TMEM121B: variants seen among roughly 807,000 people sequenced by gnomAD.
The protein encoded by TMEM121B is transmembrane protein 121B, also known as cat eye syndrome chromosome region, candidate 6.
A neutral mutation model predicts 25.1 loss-of-function variants in TMEM121B; 14 were observed. The ratio of observed to expected loss-of-function variants is 0.56; its 90% CI spans 0.37 to 0.87. The LOEUF (loss-of-function observed/expected upper bound fraction) is 0.87. Among genes scored for constraint, TMEM121B ranks in the 40% least tolerant of loss-of-function variants. TMEM121B has a pLI of 0.00. For synonymous variants in TMEM121B, 458 were observed against 420.9 expected (o/e 1.09, Z -1.08); for missense variants, 850 against 854.6 (o/e 0.99, Z 0.07).
chr22:17,119,649 C>A lies in TMEM121B; in HGVS notation c.1479G>T (p.Gln493His), dbSNP rs1388811393. 6.5e-7 allele frequency: 1 copy of A among 1,542,252 alleles called. No homozygotes were observed. The highest frequency in any genetic ancestry group is 1.9e-5 in the Admixed American group (1 of 51,614). ...TGAGCATGAAGATGGAGAGGGGCTG[C>A]TGGTAGCTGACCACCAGGAGGCAGC... ...ALRCLLVVSYQQPLSIFMLKN... is the reference protein window; with the variant it reads ...ALRCLLVVSYHQPLSIFMLKN... Residue 493 changes from glutamine to histidine, a missense_variant, in exon 1 of 1, where the codon CAG (glutamine) becomes CAT (histidine). By Grantham distance (24) the Gln-to-His change is conservative. Transcript: ENST00000331437.
rs1193415315 is a variant in TMEM121B at position 17,117,585 on chromosome 22, G to C, written c.*1806C>G. 1 of 152,650 alleles carries C rather than the reference G, an allele frequency of 6.6e-6. No homozygotes were observed. Among genetic ancestry groups the C allele is most frequent in the Non-Finnish European group, 1.5e-5 (1 of 68,452 alleles). 9.5% of individuals were successfully genotyped at this position (152,650 alleles called of 1,614,324 possible). On this transcript the variant is annotated 3_prime_UTR_variant, in exon 1 of 1. Coordinates refer to ENST00000331437, the MANE Select transcript of TMEM121B (RefSeq NM_031890.4). ...GCACTCTGCAGCTGTGCCAGGCCCT[G>C]CCCCACACCCAGCCCAGGCACCCAA...
chr22:17,121,177 C>A lies in TMEM121B; in HGVS notation c.-50G>T. ...GCCCAGCTGTTCCCTCCCCGCCAAC[C>A]CCGGGCGGGCGAGGCGGGCTAGGCG... is the stretch of plus-strand genomic sequence containing the variant. On this transcript the variant is annotated 5_prime_UTR_variant, in exon 1 of 1. Transcript: ENST00000331437. The A allele has an allele frequency of 1.6e-6, 2 of 1,259,880 alleles. No individual in the cohort carries two copies. Among genetic ancestry groups the A allele is most frequent in the Non-Finnish European group, 2.0e-6 (2 of 1,002,448 alleles). The allele number at this position is 1,259,880 out of a possible 1,614,324, so 78.0% of individuals were successfully genotyped here. A position where few individuals can be genotyped will look rare whatever the true frequency, so the allele number is the denominator to read the frequency against.
rs550329982 is a variant in TMEM121B at position 17,121,233 on chromosome 22, C to T, written c.-106G>A. 43 of 1,101,812 alleles carry T rather than the reference C, an allele frequency of 3.9e-5. 1 individual carries two copies. In the African/African-American group the frequency reaches 5.9e-4, roughly 15 times the overall value. 68.3% of individuals were successfully genotyped at this position (1,101,812 alleles called of 1,614,324 possible). ...GGGGAGCCGGGGCCCGCCGCCTCCCCAGCAGTGGGGACTCGCACCTGGGCC... is the reference window on the plus strand; with the variant it reads ...GGGGAGCCGGGGCCCGCCGCCTCCCTAGCAGTGGGGACTCGCACCTGGGCC... On this transcript the variant is annotated 5_prime_UTR_variant, in exon 1 of 1. Transcript: ENST00000331437.
Position 17,120,536 on chromosome 22 carries a change from A to G in TMEM121B, c.592T>C (p.Trp198Arg), listed in dbSNP as rs2061493432. ...RGCAPSPRCR[W>R]GYQALSVVLL... Reference sequence around the variant, plus strand: ...ACCACGGACAGCGCCTGGTAGCCCCAGCGGCACCTGGGACTGGGGGCGCAG... The same window carrying G: ...ACCACGGACAGCGCCTGGTAGCCCCGGCGGCACCTGGGACTGGGGGCGCAG... The change falls in exon 1 of 1, where the codon TGG becomes CGG. Residue 198 changes from tryptophan (W) to arginine (R), a missense_variant. Coordinates refer to ENST00000331437, the MANE Select transcript of TMEM121B (RefSeq NM_031890.4). 1.3e-6 allele frequency: 2 copies of G among 1,545,246 alleles called. No individual in the cohort carries two copies.
chr22:17,121,172 C>G lies in TMEM121B; in HGVS notation c.-45G>C. ...GGGCCGCCCAGCTGTTCCCTCCCCG[C>G]CAACCCCGGGCGGGCGAGGCGGGCT... is the stretch of plus-strand genomic sequence containing the variant. On this transcript the variant is annotated 5_prime_UTR_variant, in exon 1 of 1. Transcript: ENST00000331437. 1 of 1,262,894 alleles carries G rather than the reference C, an allele frequency of 7.9e-7. No homozygotes were observed. Among genetic ancestry groups the G allele is most frequent in the Middle Eastern group, 3.1e-4 (1 of 3,238 alleles). 78.2% of individuals were successfully genotyped at this position (1,262,894 alleles called of 1,614,324 possible).
Position 17,120,329 on chromosome 22 carries a change from G to C in TMEM121B, c.799C>G (p.His267Asp). ...TGCAGGGGCGGCGCGGCGTGGTGGT[G>C]GTGCAGGTGGTGGTTGTGCGCGCCG... ...ASGAHNHHLH[H>D]HHAAPPLHLP... is the part of the protein sequence containing the mutation. The change falls in exon 1 of 1, where the codon CAC (histidine) becomes GAC (aspartate). Residue 267 changes from histidine (H) to aspartate (D), a missense_variant. Coordinates refer to ENST00000331437, the MANE Select transcript of TMEM121B (RefSeq NM_031890.4). 6.7e-7 allele frequency: 1 copy of C among 1,488,318 alleles called. No homozygotes were observed. 92.2% of individuals were successfully genotyped at this position (1,488,318 alleles called of 1,614,324 possible).
rs763008364 is a variant in TMEM121B, at chr22:17,119,360, A to G, written c.*31T>C. 2 of 1,547,260 alleles carry G rather than the reference A, an allele frequency of 1.3e-6. No homozygotes were observed. Among genetic ancestry groups the G allele is most frequent in the African/African-American group, 1.4e-5 (1 of 72,014 alleles). ...AAGACAAGGGGGTTGGGGACTCTCA[A>G]CCCAAAAACAAGGACCCGTGCCCTT... On this transcript the variant is annotated 3_prime_UTR_variant, in exon 1 of 1. Coordinates refer to ENST00000331437, the MANE Select transcript of TMEM121B (RefSeq NM_031890.4).
In TMEM121B at chr22:17,121,251, C is replaced by T; in HGVS notation, c.-124G>A. 2.1e-6 allele frequency: 2 copies of T among 967,970 alleles called. No individual in the cohort carries two copies. The highest frequency in any genetic ancestry group is 2.7e-6 in the Non-Finnish European group (2 of 746,960). The allele number at this position is 967,970 out of a possible 1,614,324, so 60.0% of individuals were successfully genotyped here. On this transcript the variant is annotated 5_prime_UTR_variant, in exon 1 of 1. The change creates a new upstream start codon in the 5' untranslated region. Transcript: ENST00000331437. Reference sequence around the variant, plus strand: ...GCCTCCCCAGCAGTGGGGACTCGCACCTGGGCCGGGCGGCGGCGAGATCCG... The same window carrying T: ...GCCTCCCCAGCAGTGGGGACTCGCATCTGGGCCGGGCGGCGGCGAGATCCG...
In TMEM121B at chr22:17,120,147, G is replaced by C; in HGVS notation, c.981C>G (p.Pro327=). ...ACGTGCCCAGGATCAGCACCACCTTGGGAGTGAAGGCGATGGAGTAGATAA... is the reference window on the plus strand; with the variant it reads ...ACGTGCCCAGGATCAGCACCACCTTCGGAGTGAAGGCGATGGAGTAGATAA... ...AWLIYSIAFT[P]KVVLILGTSI... Residue 327 remains proline, a synonymous_variant, in exon 1 of 1, where the codon CCC becomes CCG. Coordinates refer to ENST00000331437, the MANE Select transcript of TMEM121B (RefSeq NM_031890.4). 6.2e-7 allele frequency: 1 copy of C among 1,610,050 alleles called. No homozygotes were observed. The highest frequency in any genetic ancestry group is 8.5e-7 in the Non-Finnish European group (1 of 1,179,142).
Position 17,120,655 on chromosome 22 carries a change from C to T in TMEM121B, c.473G>A (p.Gly158Asp), listed in dbSNP as rs1174054664. Residue 158 changes from glycine (G) to aspartate (D), a missense_variant, in exon 1 of 1, where the codon GGC becomes GAC. Transcript: ENST00000331437. ...GGCGCCGCTGCCGGTCCCGGTGCCG[C>T]CCGCGCCCCCCGCCGAGCGGCTCCC... Reference protein sequence around the residue: ...GPGSRSAGGAGGTGTGSGASC... With the variant: ...GPGSRSAGGADGTGTGSGASC... 2.5e-6 allele frequency: 3 copies of T among 1,181,602 alleles called. No homozygotes were observed. Among genetic ancestry groups the T allele is most frequent in the Non-Finnish European group, 3.1e-6 (3 of 957,280 alleles). 73.2% of individuals were successfully genotyped at this position (1,181,602 alleles called of 1,614,324 possible).
Position 17,119,877 on chromosome 22 carries a change from G to A in TMEM121B, c.1251C>T (p.Arg417=). 6.4e-7 allele frequency: 1 copy of A among 1,570,292 alleles called. No individual in the cohort carries two copies. Among genetic ancestry groups the A allele is most frequent in the Non-Finnish European group, 8.6e-7 (1 of 1,165,386 alleles). The part of the protein sequence containing the change: ...FTLVELMLEG[R]VPLPAHLRYL... Reference sequence around the variant, plus strand: ...AGCGCAGGTGCGCGGGCAGCGGCACGCGGCCCTCCAGCATCAGCTCCACCA... The same window carrying A: ...AGCGCAGGTGCGCGGGCAGCGGCACACGGCCCTCCAGCATCAGCTCCACCA... Residue 417 remains arginine, a synonymous_variant, in exon 1 of 1, where the codon CGC becomes CGT. Transcript: ENST00000331437.
At position 17,117,622 on chromosome 22, in the gene TMEM121B, G is replaced by A. The variant is rs45618234; in HGVS notation, c.*1769C>T. On this transcript the variant is annotated 3_prime_UTR_variant, in exon 1 of 1. Coordinates refer to ENST00000331437, the MANE Select transcript of TMEM121B (RefSeq NM_031890.4). ...GCCCAGGCACCCAAGCCCTCCCTCC[G>A]GCCTTCTCTGCTGGGGCTTCACACA... The A allele has an allele frequency of 0.12, 17,795 of 152,508 alleles. 1,123 individuals carry two copies. The highest frequency in any genetic ancestry group is 0.18 in the Middle Eastern group (54 of 306). The allele number at this position is 152,508 out of a possible 1,614,324, so 9.4% of individuals were successfully genotyped here. A position where few individuals can be genotyped will look rare whatever the true frequency, so the allele number is the denominator to read the frequency against.
Position 17,120,225 on chromosome 22 carries a change from G to T in TMEM121B, c.903C>A (p.Gly301=), listed in dbSNP as rs552175597. 1.6e-4 allele frequency: 211 copies of T among 1,347,576 alleles called. 1 individual carries two copies. The South Asian group carries it at 2.7e-3, about 17-fold the overall frequency. 83.5% of individuals were successfully genotyped at this position (1,347,576 alleles called of 1,614,324 possible). A position where few individuals can be genotyped will look rare whatever the true frequency, so the allele number is the denominator to read the frequency against. The part of the protein sequence containing the change: ...ARGGAGGAGG[G]LGAAAAAGEF... Reference sequence around the variant, plus strand: ...CGCCCGCTGCCGCGGCCGCCCCCAGGCCGCCCCCCGCGCCGCCGGCGCCCC... The same window carrying T: ...CGCCCGCTGCCGCGGCCGCCCCCAGTCCGCCCCCCGCGCCGCCGGCGCCCC... The change falls in exon 1 of 1, where the codon GGC becomes GGA. Residue 301 remains glycine (G), a synonymous_variant. Transcript: ENST00000331437.
At position 17,117,870 on chromosome 22, in the gene TMEM121B, A is replaced by G. The variant is rs1404753538; in HGVS notation, c.*1521T>C. On this transcript the variant is annotated 3_prime_UTR_variant, in exon 1 of 1. Coordinates refer to ENST00000331437, the MANE Select transcript of TMEM121B (RefSeq NM_031890.4). ...AAAAATATGTCACTCAAAGCCAATG[A>G]GTGACAGAATCAGAACTAGAATCCA... 1 of 152,236 alleles carries G rather than the reference A, an allele frequency of 6.6e-6. No homozygotes were observed. The highest frequency in any genetic ancestry group is 1.5e-5 in the Non-Finnish European group (1 of 68,038). The allele number at this position is 152,236 out of a possible 1,614,324, so 9.4% of individuals were successfully genotyped here. A position where few individuals can be genotyped will look rare whatever the true frequency, so the allele number is the denominator to read the frequency against.
chr22:17,120,780 T>C lies in TMEM121B; in HGVS notation c.348A>G (p.Ser116=), dbSNP rs1375670459. 8.8e-6 allele frequency: 10 copies of C among 1,141,478 alleles called. No homozygotes were observed. In the African/African-American group the frequency reaches 1.2e-4, roughly 13 times the overall value. The allele number at this position is 1,141,478 out of a possible 1,614,324, so 70.7% of individuals were successfully genotyped here. A position where few individuals can be genotyped will look rare whatever the true frequency, so the allele number is the denominator to read the frequency against. Residue 116 remains serine, a synonymous_variant, in exon 1 of 1, where the codon TCA becomes TCG. Coordinates refer to ENST00000331437, the MANE Select transcript of TMEM121B (RefSeq NM_031890.4). The part of the protein sequence containing the change: ...AGPAPVAFSS[S]AATSSSTSTP... ...TGGAGGTGGAGGAGGAGGTGGCCGC[T>C]GAGGAGGAGAAGGCGACAGGCGCGG...
chr22:17,119,968 G>C lies in TMEM121B; in HGVS notation c.1160C>G (p.Pro387Arg), dbSNP rs373040255. The C allele has an allele frequency of 1.6e-5, 25 of 1,585,532 alleles. No individual in the cohort carries two copies. Among genetic ancestry groups the C allele is most frequent in the Non-Finnish European group, 2.1e-5 (25 of 1,170,868 alleles). The change falls in exon 1 of 1, where the codon CCC (proline) becomes CGC (arginine). Residue 387 changes from proline to arginine, a missense_variant. By Grantham distance (103) the Pro-to-Arg change is moderately radical. Coordinates refer to ENST00000331437, the MANE Select transcript of TMEM121B (RefSeq NM_031890.4). The part of the protein sequence containing the change: ...PGSAGPLLLQ[P>R]QRHRAAGCFL... ...GCATCCGGCCGCGCGGTGCCGCTGG[G>C]GCTGCAGCAGCAGGGGTCCTGCCGA... is the stretch of plus-strand genomic sequence containing the variant.
Position 17,121,104 on chromosome 22 carries a change from AG to A in TMEM121B, c.23del (p.Pro8LeufsTer125). On this transcript the variant is annotated frameshift_variant, in exon 1 of 1. Transcript: ENST00000331437. LOFTEE classifies it high-confidence loss of function. ...AACCGGACGCGGAGGAGACCGAGCGAGGGTGGCCGAGCGCCGGGCGCATTGT... is the reference window on the plus strand; with the variant it reads ...AACCGGACGCGGAGGAGACCGAGCGAGGTGGCCGAGCGCCGGGCGCATTGT... MRPALGH[P>X]RSVSSASGSF... is the part of the protein sequence containing the mutation. 2 of 1,409,856 alleles carry A rather than the reference AG, an allele frequency of 1.4e-6. No individual in the cohort carries two copies. Among genetic ancestry groups the A allele is most frequent in the Non-Finnish European group, 9.2e-7 (1 of 1,081,756 alleles). 87.3% of individuals were successfully genotyped at this position (1,409,856 alleles called of 1,614,324 possible).
In TMEM121B at chr22:17,120,922, C is replaced by A. The variant is rs1466544293; in HGVS notation, c.206G>T (p.Ser69Ile). 7.1e-7 allele frequency: 1 copy of A among 1,405,882 alleles called. No homozygotes were observed. The highest frequency in any genetic ancestry group is 9.2e-7 in the Non-Finnish European group (1 of 1,081,668). The allele number at this position is 1,405,882 out of a possible 1,614,324, so 87.1% of individuals were successfully genotyped here. A position where few individuals can be genotyped will look rare whatever the true frequency, so the allele number is the denominator to read the frequency against. Residue 69 changes from serine to isoleucine, a missense_variant, in exon 1 of 1, where the codon AGC (serine) becomes ATC (isoleucine). Coordinates refer to ENST00000331437, the MANE Select transcript of TMEM121B (RefSeq NM_031890.4). ...CTCGCGCTCGGCGCCCGTGCTGCTG[C>A]TCGGGGAGCCGCCGCCCCCGCCGCG... Reference protein sequence around the residue: ...GRRGGGGGSPSSSTGAEREDD... With the variant: ...GRRGGGGGSPISSTGAEREDD...
rs1361941573 is a variant in TMEM121B, at chr22:17,119,235, G to A, written c.*156C>T. The A allele has an allele frequency of 6.2e-6, 7 of 1,133,160 alleles. No homozygotes were observed. Among genetic ancestry groups the A allele is most frequent in the Admixed American group, 3.0e-5 (1 of 33,142 alleles). The allele number at this position is 1,133,160 out of a possible 1,614,324, so 70.2% of individuals were successfully genotyped here. ...TTAACTGCTGGTCTCCCTCCAAGCCGTCCTCACCCCAGGGTGCAGAAGAAC... is the reference window on the plus strand; with the variant it reads ...TTAACTGCTGGTCTCCCTCCAAGCCATCCTCACCCCAGGGTGCAGAAGAAC... On this transcript the variant is annotated 3_prime_UTR_variant, in exon 1 of 1. Transcript: ENST00000331437.
Sources: gnomAD v4.1 joint callset for allele counts on GRCh38, gnomAD v4.1.1 for gene constraint, MANE v1.5 for transcripts, NCBI Gene and HGNC (gene_info 2026-07-23, HGNC 2026-07-21) for gene names.